ARHGAP6: variants seen among roughly 807,000 people sequenced by gnomAD.
ARHGAP6 encodes the protein rho GTPase-activating protein 6.
A neutral mutation model predicts 55.7 loss-of-function variants in ARHGAP6; 16 were observed. That is an observed-to-expected ratio of 0.29 (90% CI 0.19 to 0.44). The LOEUF (loss-of-function observed/expected upper bound fraction) is 0.44. Ranked by LOEUF, ARHGAP6 falls within the 20% of genes least tolerant of loss-of-function variation. The pLI is 1.00. For missense variants in ARHGAP6, 698 were observed against 808.9 expected (o/e 0.86, Z 1.66); for synonymous variants, 382 against 360.9 (o/e 1.06, Z -0.66).
chrX:11,569,224 G>A (rs1271778055), intron 1 of ARHGAP6, among the ~76,000 whole-genome samples: 1 of 111,283 alleles, frequency 9.0e-6, no homozygotes, highest in Non-Finnish European at 1.9e-5. Context: ...CATCTAGTGG[G>A]TAGAAGTCAG....
intron 9 of ARHGAP6, 96 bp downstream of exon 9, chrX:11,169,409 G>T: frequency 1.2e-6 from 1 of 867,243 alleles, no homozygotes. Context: ...GAGCAGCACT[G>T]CACCCCAGAG....
intron 1 of ARHGAP6, among the ~76,000 whole-genome samples, chrX:11,529,251 G>C (rs1386554571): frequency 8.9e-6 from 1 of 112,031 alleles, no homozygotes; most frequent in Non-Finnish European, 1.9e-5. Context: ...TATAGTTTAG[G>C]CTTTGTGGGA....
At chrX:11,243,967 C>T (rs953347420) in intron 2 of ARHGAP6, among the ~76,000 whole-genome samples, 6 of 111,651 alleles carry the variant, frequency 5.4e-5, no homozygotes, top group Non-Finnish European at 7.5e-5. Flanking sequence ...AAGTTTTGCA[C>T]ACTGTCAAAA....
chrX:11,383,218 A>T (rs2049283598), intron 1 of ARHGAP6, among the ~76,000 whole-genome samples: 1 of 111,559 alleles, frequency 9.0e-6, no homozygotes, highest in Non-Finnish European at 1.9e-5. Context: ...TTCCACAAAT[A>T]AACAGCATGC....
chrX:11,392,743 T>G (rs1456989108), intron 1 of ARHGAP6, among the ~76,000 whole-genome samples: 1 of 112,177 alleles, frequency 8.9e-6, no homozygotes, highest in Non-Finnish European at 1.9e-5. Context: ...GGCAGGCATC[T>G]GAATTCAAAG....
chrX:11,401,304 G>T (rs2049545887), intron 1 of ARHGAP6, among the ~76,000 whole-genome samples: 1 of 111,820 alleles, frequency 8.9e-6, no homozygotes, highest in Non-Finnish European at 1.9e-5. Context: ...ACCAGCTCAT[G>T]ACTGGACAAT....
intron 1 of ARHGAP6, among the ~76,000 whole-genome samples, chrX:11,524,403 C>A (rs1213362066): frequency 8.9e-6 from 1 of 112,079 alleles, no homozygotes; most frequent in African/African-American, 3.2e-5. Context: ...CTGAAAGTGA[C>A]AATCATGCCA....
intron 1 of ARHGAP6, among the ~76,000 whole-genome samples, chrX:11,277,051 C>A (rs1487505408): frequency 1.8e-5 from 2 of 110,842 alleles, no homozygotes; most frequent in Non-Finnish European, 3.8e-5. Context: ...CTCACCCCAG[C>A]CCCTGGGAAC....
chrX:11,180,015 A>AT (rs202161541), intron 6 of ARHGAP6, among the ~76,000 whole-genome samples: 21 of 106,746 alleles, frequency 2.0e-4, no homozygotes, highest in African/African-American at 5.4e-4. Context: ...AAGCAAAGAG[A>AT]TTTTTTTTTT....
At chrX:11,565,170 TCAA>T (rs1229433718) in intron 1 of ARHGAP6, among the ~76,000 whole-genome samples, 19 of 112,224 alleles carry the variant, frequency 1.7e-4, no homozygotes, top group African/African-American at 5.8e-4. Flanking sequence ...CTATTTCACA[TCAA>T]CAACTATCAC....
intron 1 of ARHGAP6, among the ~76,000 whole-genome samples, chrX:11,311,398 T>C (rs1021933591): frequency 8.9e-6 from 1 of 112,154 alleles, no homozygotes; most frequent in African/African-American, 3.2e-5. Flanking sequence ...GAACATTATT[T>C]TCTTAACAAT....
At chrX:11,449,025 A>G (rs921858930) in intron 1 of ARHGAP6, among the ~76,000 whole-genome samples, 1 of 110,935 alleles carries the variant, frequency 9.0e-6, no homozygotes, top group Admixed American at 9.6e-5. Context: ...CTTGGTTTCT[A>G]TACTTCTCTG....
At chrX:11,415,352 A>G (rs1388063458) in intron 1 of ARHGAP6, among the ~76,000 whole-genome samples, 1 of 111,628 alleles carries the variant, frequency 9.0e-6, no homozygotes, top group African/African-American at 3.3e-5. Flanking sequence ...GATTTATGGG[A>G]ACTGATATCA....
chrX:11,269,558 G>C (rs752475883), intron 1 of ARHGAP6, among the ~76,000 whole-genome samples: 14 of 111,136 alleles, frequency 1.3e-4, no homozygotes, highest in Non-Finnish European at 2.6e-4. Context: ...ACCTTCCATT[G>C]GTCCTGGTAA....
intron 1 of ARHGAP6, among the ~76,000 whole-genome samples, chrX:11,392,804 C>T (rs2049425013): frequency 8.9e-6 from 1 of 111,918 alleles, no homozygotes; most frequent in African/African-American, 3.2e-5. Flanking sequence ...TTTCAACACA[C>T]TCTTAAGAAT....
intron 8 of ARHGAP6, among the ~76,000 whole-genome samples, chrX:11,173,732 G>T (rs191164159): frequency 2.7e-5 from 3 of 112,043 alleles, no homozygotes; most frequent in Non-Finnish European, 5.6e-5. Flanking sequence ...CATCTTTAAG[G>T]TCTCACCAGT....
chrX:11,349,575 T>G (rs771100650), intron 1 of ARHGAP6, among the ~76,000 whole-genome samples: 2 of 111,858 alleles, frequency 1.8e-5, no homozygotes, highest in African/African-American at 6.5e-5. Context: ...AGAATACTCT[T>G]CTTCAGATCT....
At chrX:11,610,626 G>T (rs948792896) in intron 1 of ARHGAP6, among the ~76,000 whole-genome samples, 2 of 112,167 alleles carry the variant, frequency 1.8e-5, no homozygotes, top group Admixed American at 1.9e-4. Context: ...TACACACACA[G>T]AAATGTCTTA....
chrX:11,227,183 G>A (rs1045221908), intron 2 of ARHGAP6, among the ~76,000 whole-genome samples: 1 of 111,883 alleles, frequency 8.9e-6, no homozygotes, highest in Non-Finnish European at 1.9e-5. Flanking sequence ...TACACAAACA[G>A]TTATTTACAT....
Sources: allele counts gnomAD v4.1 joint callset (sites outside exome capture counted in the v4.1 genomes callset), GRCh38; gene constraint gnomAD v4.1.1; transcripts MANE v1.5; gene names NCBI Gene and HGNC (gene_info 2026-07-23, HGNC 2026-07-21).